Variants in DCXR observed in about 807,000 individuals in gnomAD.
DCXR encodes dicarbonyl and L-xylulose reductase.
Under a neutral mutation model 25.9 loss-of-function variants are expected in DCXR, and 24 were observed. That is an observed-to-expected ratio of 0.93 (90% confidence interval 0.67 to 1.30). The LOEUF (loss-of-function observed/expected upper bound fraction) is 1.30, where lower values mean the gene tolerates loss of function less well. Among genes scored for constraint, DCXR ranks in the 50% most tolerant of loss-of-function variants. The pLI, the probability that DCXR is intolerant of heterozygous loss-of-function variation, is 0.00. For missense variants in DCXR, 348 were observed against 333.7 expected (o/e 1.04, Z -0.33); for synonymous variants, 161 against 141.7 (o/e 1.14, Z -0.97).
intron 2 of DCXR, 64 bp downstream of exon 2, chr17:82,037,386 C>T (rs1743395719): frequency 6.8e-7 from 1 of 1,468,522 alleles, no homozygotes; most frequent in Non-Finnish European, 9.1e-7. Context: ...GAGGTACCGC[C>T]CCCGCTCGCT....
At position 82,035,892 on chromosome 17, in the gene DCXR, A is replaced by G; in HGVS notation, c.*68T>C. On this transcript the variant is annotated 3_prime_UTR_variant, in exon 8 of 8. Coordinates refer to ENST00000306869, the MANE Select transcript of DCXR (RefSeq NM_016286.4). ...AATAGCACATAGTCTGGGCAGCAGA[A>G]TCAGGTTTATTGGAGGGATTGGGGG... The G allele has an allele frequency of 7.2e-7, 1 of 1,385,194 alleles. No homozygotes were observed. The highest frequency in any genetic ancestry group is 1.0e-6 in the Non-Finnish European group (1 of 982,242). The allele number at this position is 1,385,194 out of a possible 1,614,324, so 85.8% of individuals were successfully genotyped here. A position where few individuals can be genotyped will look rare whatever the true frequency, so the allele number is the denominator to read the frequency against.
In DCXR at chr17:82,037,472, T is replaced by C. The variant is rs747349231; in HGVS notation, c.128A>G (p.Asp43Gly). Residue 43 changes from aspartate (D) to glycine (G), a missense_variant, in exon 2 of 8, where the codon GAT becomes GGT. Transcript: ENST00000306869. ...TACCTCGCGGACAAGGCTGTCAAGA[T>C]CCGCCTGAGTCCGGCTCACAGCCAC... Reference protein sequence around the residue: ...RVVAVSRTQADLDSLVRECPG... With the variant: ...RVVAVSRTQAGLDSLVRECPG... The C allele has an allele frequency of 1.0e-4, 157 of 1,532,518 alleles. No homozygotes were observed. Among genetic ancestry groups the C allele is most frequent in the Non-Finnish European group, 1.3e-4 (153 of 1,146,640 alleles). 94.9% of individuals were successfully genotyped at this position (1,532,518 alleles called of 1,614,324 possible).
intron 7 of DCXR, 30 bp from the exon 8 acceptor site, chr17:82,036,093 G>C: frequency 1.2e-6 from 2 of 1,609,474 alleles, no homozygotes; most frequent in African/African-American, 2.7e-5. Flanking sequence ...CAGGGGCATA[G>C]AGGAAGGAGG....
chr17:82,036,315 C>T lies in DCXR; in HGVS notation c.514-7G>A, dbSNP rs372927639. ...TTACTGCATTCACTCGGATCTACAC[C>T]GGGACAGCTGGGGTCAGCAGGGCAA... On this transcript the variant is annotated splice_polypyrimidine_tract_variant and splice_region_variant and intron_variant, in intron 6 of 7. Coordinates refer to ENST00000306869, the MANE Select transcript of DCXR (RefSeq NM_016286.4). 162 of 1,613,330 alleles carry T rather than the reference C, an allele frequency of 1.0e-4. 2 individuals carry two copies. In the South Asian group the frequency reaches 1.6e-3, roughly 16 times the overall value.
chr17:82,035,871 G>C lies in DCXR; in HGVS notation c.*89C>G. 2 of 1,216,666 alleles carry C rather than the reference G, an allele frequency of 1.6e-6. No individual in the cohort carries two copies. The highest frequency in any genetic ancestry group is 2.4e-6 in the Non-Finnish European group (2 of 839,406). The allele number at this position is 1,216,666 out of a possible 1,614,324, so 75.4% of individuals were successfully genotyped here. Reference sequence around the variant, plus strand: ...GCTACCTGCTGGCAGCCTAGGAATAGCACATAGTCTGGGCAGCAGAATCAG... The same window carrying C: ...GCTACCTGCTGGCAGCCTAGGAATACCACATAGTCTGGGCAGCAGAATCAG... On this transcript the variant is annotated 3_prime_UTR_variant, in exon 8 of 8. Coordinates refer to ENST00000306869, the MANE Select transcript of DCXR (RefSeq NM_016286.4).
At position 82,037,020 on chromosome 17, in the gene DCXR, G is replaced by A. The variant is rs1396399842; in HGVS notation, c.151-7C>T. ...CGGGTTCTATCCCCGGGCACTGTGT[G>A]TATCAGGGGGCAGTTACCAGAGGCT... On this transcript the variant is annotated splice_region_variant and splice_polypyrimidine_tract_variant and intron_variant, in intron 2 of 7. Transcript: ENST00000306869. 1.9e-6 allele frequency: 3 copies of A among 1,554,328 alleles called. No individual in the cohort carries two copies. Among genetic ancestry groups the A allele is most frequent in the East Asian group, 4.9e-5 (2 of 41,056 alleles).
chr17:82,037,329 C>A, intron 2 of DCXR, 121 bp downstream of exon 2: 1 of 1,166,342 alleles, frequency 8.6e-7, no homozygotes, highest in Non-Finnish European at 1.1e-6. Flanking sequence ...GCGCCCAGGC[C>A]GCGGTGAGAA....
intron 2 of DCXR, chr17:82,037,233 C>G: frequency 1.2e-6 from 1 of 840,124 alleles, no homozygotes; most frequent in Non-Finnish European, 1.8e-6. Flanking sequence ...GCCATTTCGG[C>G]CTCTTTCTGA....
chr17:82,036,997 G>T lies in DCXR; in HGVS notation c.167C>A (p.Pro56His). ...SLVRECPGIE[P>H]VCVDLGDWEA... ...CCAGTCACCCAGGTCCACGCACACGGGTTCTATCCCCGGGCACTGTGTGTA... is the reference window on the plus strand; with the variant it reads ...CCAGTCACCCAGGTCCACGCACACGTGTTCTATCCCCGGGCACTGTGTGTA... Residue 56 changes from proline (P) to histidine (H), a missense_variant, in exon 3 of 8, where the codon CCC (proline) becomes CAC (histidine). Physicochemically the swap from Pro to His is moderately conservative, Grantham distance 77 (BLOSUM62 -2). Coordinates refer to ENST00000306869, the MANE Select transcript of DCXR (RefSeq NM_016286.4). 1 of 1,569,682 alleles carries T rather than the reference G, an allele frequency of 6.4e-7. No individual in the cohort carries two copies. The highest frequency in any genetic ancestry group is 8.6e-7 in the Non-Finnish European group (1 of 1,158,190).
At chr17:82,036,497 C>A (rs374021893) in intron 5 of DCXR, 47 bp downstream of exon 5, 2 of 1,611,802 alleles carry the variant, frequency 1.2e-6, no homozygotes, top group Non-Finnish European at 8.5e-7. Context: ...GTGATGAGGG[C>A]GAGGCTGGGG....
chr17:82,036,316 G>T lies in DCXR; in HGVS notation c.514-8C>A. 3.7e-6 allele frequency: 6 copies of T among 1,613,412 alleles called. No homozygotes were observed. The highest frequency in any genetic ancestry group is 5.1e-6 in the Non-Finnish European group (6 of 1,179,992). Reference sequence around the variant, plus strand: ...TACTGCATTCACTCGGATCTACACCGGGACAGCTGGGGTCAGCAGGGCAAG... The same window carrying T: ...TACTGCATTCACTCGGATCTACACCTGGACAGCTGGGGTCAGCAGGGCAAG... On this transcript the variant is annotated splice_polypyrimidine_tract_variant and splice_region_variant and intron_variant, in intron 6 of 7. Coordinates refer to ENST00000306869, the MANE Select transcript of DCXR (RefSeq NM_016286.4).
chr17:82,037,438 G>C lies in DCXR; in HGVS notation c.150+12C>G, dbSNP rs1267933694. The stretch of plus-strand genomic sequence containing the variant: ...TCGCCGCCTCGCAGCGCTGGGACCC[G>C]GCGGGACCTACCTCGCGGACAAGGC... On this transcript the variant is annotated intron_variant, in intron 2 of 7. Transcript: ENST00000306869. 5 of 1,524,876 alleles carry C rather than the reference G, an allele frequency of 3.3e-6. No individual in the cohort carries two copies. The highest frequency in any genetic ancestry group is 4.4e-6 in the Non-Finnish European group (5 of 1,143,616). The allele number at this position is 1,524,876 out of a possible 1,614,324, so 94.5% of individuals were successfully genotyped here. A position where few individuals can be genotyped will look rare whatever the true frequency, so the allele number is the denominator to read the frequency against.
At position 82,036,972 on chromosome 17, in the gene DCXR, C is replaced by G. The variant is rs780110642; in HGVS notation, c.192G>C (p.Trp64Cys). The change falls in exon 3 of 8, where the codon TGG becomes TGC. Residue 64 changes from tryptophan (W) to cysteine (C), a missense_variant. Physicochemically the swap from Trp to Cys is radical, Grantham distance 215. Coordinates refer to ENST00000306869, the MANE Select transcript of DCXR (RefSeq NM_016286.4). ...TGCCCAGCGCCCGCTCGGTGGCCTC[C>G]CAGTCACCCAGGTCCACGCACACGG... ...IEPVCVDLGD[W>C]EATERALGSV... 1.9e-6 allele frequency: 3 copies of G among 1,588,096 alleles called. No homozygotes were observed. The Admixed American group carries it at 5.3e-5, about 28-fold the overall frequency.
rs1342921178 is a variant in DCXR, at chr17:82,035,916, G to C, written c.*44C>G. 2 of 1,518,076 alleles carry C rather than the reference G, an allele frequency of 1.3e-6. No individual in the cohort carries two copies. The highest frequency in any genetic ancestry group is 9.1e-7 in the Non-Finnish European group (1 of 1,096,760). 94.0% of individuals were successfully genotyped at this position (1,518,076 alleles called of 1,614,324 possible). On this transcript the variant is annotated 3_prime_UTR_variant, in exon 8 of 8. Transcript: ENST00000306869. ...AATCAGGTTTATTGGAGGGATTGGGGGTAGGATGAGCACGGCATGGGGCTT... is the reference window on the plus strand; with the variant it reads ...AATCAGGTTTATTGGAGGGATTGGGCGTAGGATGAGCACGGCATGGGGCTT...
intron 2 of DCXR, 175 bp from the exon 3 acceptor site, chr17:82,037,188 C>A (rs749175366): frequency 1.3e-5 from 12 of 900,712 alleles, no homozygotes; most frequent in Non-Finnish European, 2.0e-5. Context: ...TTCCTCCCTG[C>A]GCCCGAGCGA....
intron 5 of DCXR, 30 bp from the exon 6 acceptor site, chr17:82,036,478 C>T (rs779587311): frequency 9.6e-5 from 155 of 1,613,006 alleles, no homozygotes; most frequent in Non-Finnish European, 1.2e-4. Flanking sequence ...CTGGCTGGGG[C>T]TGGGGTCGGT....
intron 2 of DCXR, 182 bp downstream of exon 2, chr17:82,037,268 C>A (rs1033858948): frequency 5.5e-6 from 5 of 901,512 alleles, no homozygotes; most frequent in Non-Finnish European, 8.1e-6. Flanking sequence ...GCGGCTCTGC[C>A]GACCACCCGG....
rs1175222133 is a variant in DCXR at position 82,037,025 on chromosome 17, AG to A, written c.151-13del. 6.4e-7 allele frequency: 1 copy of A among 1,552,966 alleles called. No homozygotes were observed. Among genetic ancestry groups the A allele is most frequent in the Non-Finnish European group, 8.7e-7 (1 of 1,148,970 alleles). ...TCTATCCCCGGGCACTGTGTGTATC[AG>A]GGGGCAGTTACCAGAGGCTCTGTGC... On this transcript the variant is annotated splice_polypyrimidine_tract_variant and intron_variant, in intron 2 of 7. Coordinates refer to ENST00000306869, the MANE Select transcript of DCXR (RefSeq NM_016286.4).
At chr17:82,037,428 G>T (rs766253551) in intron 2 of DCXR, 22 bp downstream of exon 2, 2 of 1,520,504 alleles carry the variant, frequency 1.3e-6, no homozygotes, top group South Asian at 1.2e-5. Flanking sequence ...GCCTCGCAGC[G>T]CTGGGACCCG....
Sources: gnomAD v4.1 joint callset for allele counts on GRCh38, gnomAD v4.1.1 for gene constraint, MANE v1.5 for transcripts, NCBI Gene and HGNC (gene_info 2026-07-23, HGNC 2026-07-21) for gene names.